KAZN: variants seen among roughly 807,000 people sequenced by gnomAD.
KAZN encodes the protein kazrin.
A neutral mutation model predicts 87.4 loss-of-function variants in KAZN; 40 were observed. The ratio of observed to expected loss-of-function variants is 0.46; its 90% CI spans 0.36 to 0.60. The LOEUF is 0.60. Among genes scored for constraint, KAZN ranks in the 20% least tolerant of loss-of-function variants. The pLI, the probability that KAZN is intolerant of heterozygous loss-of-function variation, is 0.00. For synonymous variants in KAZN, 466 were observed against 458.3 expected (o/e 1.02, Z -0.22); for missense variants, 898 against 1,073.9 (o/e 0.84, Z 2.29).
chr1:14,803,335 C>T (rs1646100687), intron 1 of KAZN, among the ~76,000 whole-genome samples: 2 of 152,292 alleles, frequency 1.3e-5, no homozygotes, highest in African/African-American at 4.8e-5. Context: ...GCTGTCTCCA[C>T]GATTGGTGAG....
intron 1 of KAZN, among the ~76,000 whole-genome samples, chr1:14,911,366 A>C (rs2807563): frequency 0.9 from 136,834 of 152,302 alleles, 61,527 homozygotes; most frequent in Admixed American, 0.91. Context: ...GGGACTTGAA[A>C]GAGCGAGCAC....
intron 2 of KAZN, among the ~76,000 whole-genome samples, chr1:14,290,564 G>A (rs1653604011): frequency 6.6e-6 from 1 of 152,124 alleles, no homozygotes; most frequent in Non-Finnish European, 1.5e-5. Flanking sequence ...GTTTGTTCTA[G>A]TTAGCCATTT....
intron 1 of KAZN, among the ~76,000 whole-genome samples, chr1:14,016,541 T>C (rs893870774): frequency 2.0e-5 from 3 of 152,050 alleles, no homozygotes; most frequent in African/African-American, 7.2e-5. Flanking sequence ...TGGGGGCATG[T>C]TTATGAGATT....
chr1:14,627,032 G>A (rs563711013), intron 1 of KAZN, among the ~76,000 whole-genome samples: 33 of 152,106 alleles, frequency 2.2e-4, no homozygotes, highest in Admixed American at 2.2e-3. Flanking sequence ...CACCTACTAT[G>A]TTCCAGCCAC....
At chr1:14,181,388 G>A (rs1646194698) in intron 2 of KAZN, among the ~76,000 whole-genome samples, 1 of 152,348 alleles carries the variant, frequency 6.6e-6, no homozygotes, top group South Asian at 2.1e-4. Flanking sequence ...AGGTCAGAAT[G>A]GTTGGTGGTT....
intron 2 of KAZN, among the ~76,000 whole-genome samples, chr1:14,540,845 C>A (rs1672767461): frequency 6.6e-6 from 1 of 152,074 alleles, no homozygotes; most frequent in Non-Finnish European, 1.5e-5. Context: ...TCTGGGTCAC[C>A]ATGTATTTAT....
intron 1 of KAZN, among the ~76,000 whole-genome samples, chr1:14,712,352 G>T (rs1289592199): frequency 1.3e-5 from 2 of 152,306 alleles, no homozygotes; most frequent in East Asian, 3.9e-4. Flanking sequence ...ATAGCAGGAA[G>T]CTGATCCTCA....
At chr1:14,642,025 CT>C (rs1680442874) in intron 1 of KAZN, among the ~76,000 whole-genome samples, 1 of 152,164 alleles carries the variant, frequency 6.6e-6, no homozygotes, top group African/African-American at 2.4e-5. Context: ...CAAGAGGATA[CT>C]TTGCAGAAGA....
At chr1:14,090,063 C>T (rs146655299) in intron 1 of KAZN, among the ~76,000 whole-genome samples, 1 of 151,190 alleles carries the variant, frequency 6.6e-6, no homozygotes, top group Non-Finnish European at 1.5e-5. Context: ...ATTATCATTG[C>T]CTTTCTGTAA....
At chr1:14,763,849 A>C (rs965524597) in intron 1 of KAZN, among the ~76,000 whole-genome samples, 12 of 152,180 alleles carry the variant, frequency 7.9e-5, no homozygotes, top group African/African-American at 2.9e-4. Context: ...TCCCAGGTTC[A>C]AGTGATTCTC....
At chr1:14,597,603 T>C (rs974597970), upstream of KAZN, among the ~76,000 whole-genome samples, 5 of 152,316 alleles carry the variant, frequency 3.3e-5, no homozygotes, top group Middle Eastern at 3.4e-3. Context: ...TTGGTTCTTA[T>C]GGGCTTCCTG....
intron 1 of KAZN, among the ~76,000 whole-genome samples, chr1:14,807,398 G>A (rs1285020303): frequency 3.3e-5 from 5 of 152,180 alleles, no homozygotes; most frequent in Admixed American, 2.0e-4. Context: ...CTTGCTTGAA[G>A]TAGCCAGAAG....
intron 1 of KAZN, among the ~76,000 whole-genome samples, chr1:14,913,779 C>G (rs566720583): frequency 1.3e-5 from 2 of 152,332 alleles, no homozygotes; most frequent in South Asian, 4.1e-4. Flanking sequence ...CTCGGGCTGA[C>G]GTGCCTGAGT....
At chr1:14,402,923 G>A (rs146369061) in intron 2 of KAZN, among the ~76,000 whole-genome samples, 1 of 152,188 alleles carries the variant, frequency 6.6e-6, no homozygotes, top group African/African-American at 2.4e-5. Flanking sequence ...TGCCTCCTGG[G>A]TTCAAGTGAT....
intron 1 of KAZN, among the ~76,000 whole-genome samples, chr1:14,742,948 G>A (rs1644150920): frequency 6.9e-6 from 1 of 145,336 alleles, no homozygotes; most frequent in Admixed American, 6.8e-5. Context: ...TAGTGAGTCT[G>A]GTCAAACAGA....
intron 1 of KAZN, among the ~76,000 whole-genome samples, chr1:14,872,396 T>G (rs1410202656): frequency 6.6e-6 from 1 of 152,242 alleles, no homozygotes; most frequent in African/African-American, 2.4e-5. Context: ...TTTATTTAAT[T>G]TCAATGAATT....
intron 2 of KAZN, among the ~76,000 whole-genome samples, chr1:14,305,931 C>T (rs952330316): frequency 6.6e-6 from 1 of 152,098 alleles, no homozygotes; most frequent in Non-Finnish European, 1.5e-5. Context: ...GGTAGAGAAG[C>T]TCTTGATGCT....
chr1:14,124,705 C>T (rs1193388388), intron 1 of KAZN, among the ~76,000 whole-genome samples: 2 of 102,606 alleles, frequency 1.9e-5, no homozygotes, highest in African/African-American at 9.0e-5. Context: ...CGAGTGCTGG[C>T]AATGTTGGTG....
intron 1 of KAZN, among the ~76,000 whole-genome samples, chr1:14,070,131 T>A (rs943179900): frequency 7.6e-6 from 1 of 132,446 alleles, no homozygotes; most frequent in Non-Finnish European, 1.5e-5. Context: ...ATCGCACCAC[T>A]GCATTCCAGC....
Sources: gnomAD v4.1 joint callset for allele counts (sites outside exome capture counted in the v4.1 genomes callset) on GRCh38, gnomAD v4.1.1 for gene constraint, MANE v1.5 for transcripts, NCBI Gene and HGNC (gene_info 2026-07-23, HGNC 2026-07-21) for gene names.